TMIGD3: variants seen among roughly 807,000 people sequenced by gnomAD.
TMIGD3 encodes the protein transmembrane and immunoglobulin domain containing 3.
TMIGD3 carries 21 observed loss-of-function variants against 28.1 expected under a neutral mutation model. The observed-to-expected ratio is 0.75, with a 90% confidence interval of 0.53 to 1.08. The LOEUF (loss-of-function observed/expected upper bound fraction) is 1.08. Among genes scored for constraint, TMIGD3 ranks in the 50% least tolerant of loss-of-function variants. The probability of loss-of-function intolerance (pLI) is 0.00; values close to 1 mark genes in which losing one functional copy is unlikely to be tolerated. For synonymous variants in TMIGD3, 151 were observed against 162.1 expected, an observed-to-expected ratio of 0.93 and a Z score of 0.52; for missense variants, 416 against 435.6, an observed-to-expected ratio of 0.96 and a Z score of 0.40.
At chr1:111,542,121 T>C (rs1656854310) in intron 1 of TMIGD3, 1 of 230,202 alleles carries the variant, frequency 4.3e-6, no homozygotes, top group Non-Finnish European at 9.3e-6. Flanking sequence ...TTCAAATGTT[T>C]ATTTTATGTA....
intron 1 of TMIGD3, among the ~76,000 whole-genome samples, chr1:111,521,702 T>C (rs1342518432): frequency 6.6e-6 from 1 of 152,216 alleles, no homozygotes; most frequent in Non-Finnish European, 1.5e-5. Context: ...TGCAAATCTT[T>C]TCTCCTGGTT....
chr1:111,554,588 A>T (rs1237368148), intron 1 of TMIGD3, among the ~76,000 whole-genome samples: 7 of 152,248 alleles, frequency 4.6e-5, no homozygotes, highest in Admixed American at 2.6e-4. Flanking sequence ...ATTGCAAAGG[A>T]TCATATGCTC....
chr1:111,508,190 AC>A (rs148879520), upstream of TMIGD3, among the ~76,000 whole-genome samples: 9 of 151,754 alleles, frequency 5.9e-5, no homozygotes, highest in African/African-American at 1.9e-4. Context: ...CACCCACCAG[AC>A]CCCCCCACCC....
At chr1:111,485,712 AC>A in intron 5 of TMIGD3, 27 bp downstream of exon 5, 3 of 583,336 alleles carry the variant, frequency 5.1e-6, no homozygotes, top group East Asian at 3.4e-5. Flanking sequence ...ATTCTTGCCC[AC>A]CCCCTCCCTC....
chr1:111,527,060 G>T (rs970629043), intron 1 of TMIGD3, among the ~76,000 whole-genome samples: 1 of 120,738 alleles, frequency 8.3e-6, no homozygotes, highest in Admixed American at 1.2e-4. Context: ...GCCCAGGCTA[G>T]AGTGCAGTGG....
intron 1 of TMIGD3, among the ~76,000 whole-genome samples, chr1:111,547,016 T>C (rs1230867873): frequency 1.3e-5 from 2 of 152,228 alleles, no homozygotes; most frequent in Middle Eastern, 3.2e-3. Context: ...AGGATTGTGT[T>C]CTTTTTGATG....
chr1:111,556,223 A>G (rs559061128), intron 1 of TMIGD3, among the ~76,000 whole-genome samples: 1 of 152,330 alleles, frequency 6.6e-6, no homozygotes, highest in South Asian at 2.1e-4. Flanking sequence ...ATGAGATATC[A>G]CTTTACACTT....
At chr1:111,536,878 T>C (rs1199907154) in intron 1 of TMIGD3, among the ~76,000 whole-genome samples, 2 of 152,204 alleles carry the variant, frequency 1.3e-5, no homozygotes, top group Non-Finnish European at 2.9e-5. Context: ...TGACTGGTGC[T>C]GCAAGAACTA....
At chr1:111,555,100 T>C (rs1657428187) in intron 1 of TMIGD3, among the ~76,000 whole-genome samples, 1 of 152,082 alleles carries the variant, frequency 6.6e-6, no homozygotes, top group South Asian at 2.1e-4. Context: ...GCACAGTGAC[T>C]CACACCTGTA....
At position 111,563,825 on chromosome 1, in the gene TMIGD3, A is replaced by C. The variant is rs766875251; in HGVS notation, c.107+21T>G. 4 of 1,601,034 alleles carry C rather than the reference A, an allele frequency of 2.5e-6. No individual in the cohort carries two copies. In the South Asian group the frequency reaches 3.3e-5, roughly 13 times the overall value. On this transcript the variant is annotated intron_variant, in intron 1 of 5. Coordinates refer to the TMIGD3 transcript ENST00000369717. ...CCCCAACCTCTGCCTCCCAGCAGCT[A>C]TATTTTCTGCTATGACTCACTGTGA...
chr1:111,492,788 G>A lies in TMIGD3; in HGVS notation c.351-2026C>T, dbSNP rs552945029. On this transcript the variant is annotated intron_variant, in intron 1 of 5. Transcript: ENST00000369716. ...GAGATCACGCCACTGTACTTTAGCC[G>A]GGGCAACAGAGTGAGATGCTGTCTC... 3.4e-3 allele frequency among the ~76,000 whole-genome samples: 505 copies of A among 147,670 alleles called. 3 individuals are homozygous for A. The highest frequency in any genetic ancestry group is 0.012 in the African/African-American group (468 of 39,828).
intron 1 of TMIGD3, among the ~76,000 whole-genome samples, chr1:111,530,290 T>C (rs1234377574): frequency 3.3e-5 from 5 of 152,240 alleles, no homozygotes. Context: ...ATTTTACTTC[T>C]TTATGTTATA....
intron 1 of TMIGD3, among the ~76,000 whole-genome samples, chr1:111,497,348 G>A (rs911297789): frequency 4.2e-4 from 64 of 152,030 alleles, no homozygotes; most frequent in African/African-American, 1.4e-3. Context: ...CTGACCTCGT[G>A]ATCCGCCCAC....
chr1:111,525,926 AT>A (rs964765535), intron 1 of TMIGD3, among the ~76,000 whole-genome samples: 1 of 152,106 alleles, frequency 6.6e-6, no homozygotes, highest in Non-Finnish European at 1.5e-5. Flanking sequence ...TTGATTTTTA[AT>A]TTTTTTATCT....
At chr1:111,493,299 C>A (rs767267286) in intron 1 of TMIGD3, among the ~76,000 whole-genome samples, 4 of 152,104 alleles carry the variant, frequency 2.6e-5, no homozygotes, top group Non-Finnish European at 5.9e-5. Flanking sequence ...TGTCTTGGTG[C>A]CATCATTGTC....
At chr1:111,547,087 G>A (rs1333877949) in intron 1 of TMIGD3, among the ~76,000 whole-genome samples, 2 of 152,056 alleles carry the variant, frequency 1.3e-5, no homozygotes, top group Non-Finnish European at 2.9e-5. Context: ...CTAATATATA[G>A]AAATACAACT....
At chr1:111,545,513 C>G (rs757718290) in intron 1 of TMIGD3, among the ~76,000 whole-genome samples, 8 of 152,012 alleles carry the variant, frequency 5.3e-5, no homozygotes, top group Non-Finnish European at 1.2e-4. Context: ...TTTATGTATT[C>G]TGGCTACTAG....
intron 2 of TMIGD3, chr1:111,489,436 A>G: frequency 2.0e-6 from 1 of 506,446 alleles, no homozygotes; most frequent in Non-Finnish European, 2.7e-6. Flanking sequence ...AATGAAACCA[A>G]ACTTGCCAAA....
chr1:111,514,262 C>T (rs1037733578), intron 1 of TMIGD3, among the ~76,000 whole-genome samples: 1 of 152,096 alleles, frequency 6.6e-6, no homozygotes. Context: ...CAAGTAAAGT[C>T]TGGGATGTGC....
Sources: gnomAD v4.1 joint callset for allele counts (sites outside exome capture counted in the v4.1 genomes callset) on GRCh38, gnomAD v4.1.1 for gene constraint, MANE v1.5 for transcripts, NCBI Gene and HGNC (gene_info 2026-07-23, HGNC 2026-07-21) for gene names.